SCHIP1: variants seen among roughly 807,000 people sequenced by gnomAD.
SCHIP1 encodes the protein schwannomin-interacting protein 1.
Under a neutral mutation model 29.7 loss-of-function variants are expected in SCHIP1, and 8 were observed. The ratio of observed to expected loss-of-function variants is 0.27; its 90% CI spans 0.16 to 0.49. The LOEUF is 0.49. Ranked by LOEUF, SCHIP1 falls within the 20% of genes least tolerant of loss-of-function variation. The pLI is 0.99. For missense variants in SCHIP1, 193 were observed against 294.6 expected (o/e 0.66, Z 2.52); for synonymous variants, 76 against 94.9 (o/e 0.80, Z 1.16).
chr3:159,562,743 C>A, the SCHIP1 span, among the ~76,000 whole-genome samples: 1 of 152,156 alleles, frequency 6.6e-6, no homozygotes, highest in African/African-American at 2.4e-5. Flanking sequence ...CCAGAAGCAA[C>A]CACATGGGAG....
intron 2 of SCHIP1, among the ~76,000 whole-genome samples, chr3:159,866,628 C>T (rs1714658410): frequency 6.6e-6 from 1 of 152,012 alleles, no homozygotes; most frequent in South Asian, 2.1e-4. Context: ...TACCAAATTT[C>T]CCATTAAGCA....
chr3:159,516,654 A>AATT, the SCHIP1 span, among the ~76,000 whole-genome samples: 2 of 152,044 alleles, frequency 1.3e-5, no homozygotes, highest in Admixed American at 1.3e-4. Context: ...TTTGGCCCTT[A>AATT]ACATAATTCC....
chr3:159,656,405 A>G, the SCHIP1 span, among the ~76,000 whole-genome samples: 80 of 152,174 alleles, frequency 5.3e-4, no homozygotes, highest in Admixed American at 3.4e-3. Context: ...TGCTGCCCCC[A>G]CAACCTCCTC....
chr3:159,393,462 CT>C, the SCHIP1 span, among the ~76,000 whole-genome samples: 1 of 151,992 alleles, frequency 6.6e-6, no homozygotes, highest in Non-Finnish European at 1.5e-5. Context: ...ACATGTAAGT[CT>C]TTAATCCATC....
At chr3:159,877,483 C>T (rs1715947394) in intron 2 of SCHIP1, among the ~76,000 whole-genome samples, 1 of 152,188 alleles carries the variant, frequency 6.6e-6, no homozygotes, top group Admixed American at 6.5e-5. Flanking sequence ...TCATGAAAGC[C>T]AGTGTTTTTG....
the SCHIP1 span, among the ~76,000 whole-genome samples, chr3:159,581,851 GA>G: frequency 1.3e-5 from 2 of 152,074 alleles, no homozygotes; most frequent in Non-Finnish European, 2.9e-5. Flanking sequence ...AAGTTTTAAT[GA>G]AAAAATTATT....
chr3:159,469,519 G>C, the SCHIP1 span, among the ~76,000 whole-genome samples: 1 of 152,128 alleles, frequency 6.6e-6, no homozygotes, highest in Non-Finnish European at 1.5e-5. Context: ...TCAAAAAATG[G>C]ATAGTACTCA....
the SCHIP1 span, among the ~76,000 whole-genome samples, chr3:159,496,491 A>G: frequency 2.6e-5 from 4 of 152,176 alleles, no homozygotes; most frequent in Non-Finnish European, 5.9e-5. Context: ...GCAGCCAAAA[A>G]ACACATGAAA....
chr3:159,705,196 T>C, the SCHIP1 span, among the ~76,000 whole-genome samples: 1 of 152,114 alleles, frequency 6.6e-6, no homozygotes, highest in Non-Finnish European at 1.5e-5. Context: ...ACTCCTGACT[T>C]CAGGGGATCC....
chr3:159,830,366 T>G, the SCHIP1 span, among the ~76,000 whole-genome samples: 1 of 152,242 alleles, frequency 6.6e-6, no homozygotes, highest in African/African-American at 2.4e-5. Context: ...TGATTTTCAT[T>G]TTAAAAGCAA....
At chr3:159,394,803 T>G in the SCHIP1 span, among the ~76,000 whole-genome samples, 4 of 152,146 alleles carry the variant, frequency 2.6e-5, no homozygotes, top group Non-Finnish European at 5.9e-5. Flanking sequence ...CTGCCCGGCT[T>G]TGGTATCAGA....
chr3:159,509,035 G>C, the SCHIP1 span, among the ~76,000 whole-genome samples: 1 of 152,160 alleles, frequency 6.6e-6, no homozygotes, highest in Non-Finnish European at 1.5e-5. Flanking sequence ...TTAACTTTCT[G>C]TCTTGTTGAT....
the SCHIP1 span, among the ~76,000 whole-genome samples, chr3:159,452,502 A>G: frequency 6.6e-6 from 1 of 152,210 alleles, no homozygotes; most frequent in Non-Finnish European, 1.5e-5. Flanking sequence ...ATGGCTGCAT[A>G]ATATTCCATG....
At chr3:159,754,922 C>T in the SCHIP1 span, among the ~76,000 whole-genome samples, 3 of 151,978 alleles carry the variant, frequency 2.0e-5, no homozygotes, top group African/African-American at 4.8e-5. Context: ...AAAGACATAC[C>T]GGAGATGCGC....
At chr3:159,887,480 A>G in intron 3 of SCHIP1, 1 of 493,724 alleles carries the variant, frequency 2.0e-6, no homozygotes, top group Non-Finnish European at 3.6e-6. Flanking sequence ...TGTTGTAAAT[A>G]TATTTCCCAT....
the SCHIP1 span, among the ~76,000 whole-genome samples, chr3:159,573,176 C>T: frequency 6.6e-6 from 1 of 152,134 alleles, no homozygotes; most frequent in Non-Finnish European, 1.5e-5. Context: ...GATTATTTTG[C>T]TCATTAATTG....
the SCHIP1 span, among the ~76,000 whole-genome samples, chr3:159,326,377 A>C: frequency 1.3e-5 from 2 of 152,334 alleles, no homozygotes; most frequent in East Asian, 3.9e-4. Flanking sequence ...CCAAAAGTAC[A>C]TCAGCTAAGA....
the SCHIP1 span, among the ~76,000 whole-genome samples, chr3:159,536,799 T>A: frequency 6.6e-6 from 1 of 152,246 alleles, no homozygotes; most frequent in Non-Finnish European, 1.5e-5. Context: ...CTTTAAATTA[T>A]ATAAATACAC....
the SCHIP1 span, among the ~76,000 whole-genome samples, chr3:159,385,027 G>A: frequency 0.044 from 6,712 of 151,850 alleles, 176 homozygotes; most frequent in Non-Finnish European, 0.058. Context: ...TCTTGCTAGC[G>A]GTCTATCAAT....
Sources: allele counts gnomAD v4.1 joint callset (sites outside exome capture counted in the v4.1 genomes callset), GRCh38; gene constraint gnomAD v4.1.1; transcripts MANE v1.5; gene names NCBI Gene and HGNC (gene_info 2026-07-23, HGNC 2026-07-21).